SLC9A9: variants seen among roughly 807,000 people sequenced by gnomAD.
SLC9A9 encodes sodium/hydrogen exchanger 9.
In SLC9A9, 62 loss-of-function variants were observed where a neutral mutation model predicts 77.8. The ratio of observed to expected loss-of-function variants is 0.80; its 90% CI spans 0.65 to 0.98. SLC9A9 has a LOEUF of 0.98. Ranked by LOEUF, SLC9A9 falls within the 50% of genes least tolerant of loss-of-function variation. The pLI is 0.00. For missense variants in SLC9A9, 775 were observed against 774.9 expected (o/e 1.00, Z 0.00); for synonymous variants, 320 against 283.5 (o/e 1.13, Z -1.29).
At chr3:143,569,578 A>G (rs1054887780) in intron 8 of SLC9A9, among the ~76,000 whole-genome samples, 1 of 152,118 alleles carries the variant, frequency 6.6e-6, no homozygotes, top group East Asian at 1.9e-4. Flanking sequence ...GGTTTTCTAT[A>G]TATTTTTTCT....
At chr3:143,353,118 A>G (rs1487956053) in intron 14 of SLC9A9, among the ~76,000 whole-genome samples, 1 of 152,172 alleles carries the variant, frequency 6.6e-6, no homozygotes, top group African/African-American at 2.4e-5. Flanking sequence ...TCCTTGCCAC[A>G]AAGTCCTTCA....
intron 13 of SLC9A9, among the ~76,000 whole-genome samples, chr3:143,378,574 C>T (rs1212109727): frequency 1.3e-5 from 2 of 152,176 alleles, no homozygotes; most frequent in Non-Finnish European, 1.5e-5. Context: ...ATACTGGCAG[C>T]CTTTCTTGAG....
At chr3:143,316,675 C>A (rs2031225605) in intron 14 of SLC9A9, among the ~76,000 whole-genome samples, 2 of 152,172 alleles carry the variant, frequency 1.3e-5, no homozygotes, top group African/African-American at 4.8e-5. Context: ...TGGATAAACT[C>A]TGACCTTCTG....
In SLC9A9 at chr3:143,821,520, T is replaced by C. The variant is rs1425262315; in HGVS notation, c.378+10499A>G. Among the ~76,000 whole-genome samples the C allele has an allele frequency of 1.3e-5, 2 of 152,126 alleles. 1 individual carries two copies. Among genetic ancestry groups the C allele is most frequent in the Non-Finnish European group, 2.9e-5 (2 of 68,022 alleles). ...CTCTAACAGTAAAATTTCAAGACAA[T>C]TGTCAAGTAGGAAAGGACTTTTTGG... is the stretch of plus-strand genomic sequence containing the variant. On this transcript the variant is annotated intron_variant, in intron 2 of 15. Transcript: ENST00000316549.
intron 4 of SLC9A9, among the ~76,000 whole-genome samples, chr3:143,710,409 T>G (rs967787704): frequency 6.6e-6 from 1 of 152,172 alleles, no homozygotes; most frequent in Non-Finnish European, 1.5e-5. Context: ...TTGAGACCCA[T>G]TATTCTCCTT....
At chr3:143,777,023 A>G (rs1461624906) in intron 4 of SLC9A9, among the ~76,000 whole-genome samples, 1 of 152,136 alleles carries the variant, frequency 6.6e-6, no homozygotes. Flanking sequence ...ATCTGACGAA[A>G]GATATGTTAA....
intron 14 of SLC9A9, among the ~76,000 whole-genome samples, chr3:143,320,354 C>G (rs914080023): frequency 8.5e-5 from 13 of 152,208 alleles, no homozygotes; most frequent in Admixed American, 1.3e-4. Flanking sequence ...ATATCCAAAG[C>G]ATTGTGGGTT....
At chr3:143,818,809 CG>C (rs1276918342) in intron 2 of SLC9A9, among the ~76,000 whole-genome samples, 21 of 152,048 alleles carry the variant, frequency 1.4e-4, no homozygotes, top group Admixed American at 1.2e-3. Flanking sequence ...CGGCCAGGCG[CG>C]GTGGCTCATG....
chr3:143,783,206 A>G (rs1282493666), intron 4 of SLC9A9, among the ~76,000 whole-genome samples: 1 of 152,082 alleles, frequency 6.6e-6, no homozygotes, highest in African/African-American at 2.4e-5. Flanking sequence ...TGAAAGTCCA[A>G]ACTGCAGAAC....
intron 11 of SLC9A9, among the ~76,000 whole-genome samples, chr3:143,490,256 T>G (rs530625903): frequency 6.6e-6 from 1 of 152,172 alleles, no homozygotes; most frequent in Admixed American, 6.5e-5. Flanking sequence ...ATAGCTAACA[T>G]GTGAAAGGAA....
intron 6 of SLC9A9, among the ~76,000 whole-genome samples, chr3:143,616,610 C>T (rs1296918826): frequency 1.3e-5 from 2 of 152,092 alleles, no homozygotes; most frequent in Non-Finnish European, 2.9e-5. Context: ...GATCATGATG[C>T]CGAGCTGACT....
intron 14 of SLC9A9, among the ~76,000 whole-genome samples, chr3:143,274,206 G>A (rs1012971732): frequency 4.6e-5 from 7 of 152,214 alleles, no homozygotes; most frequent in African/African-American, 1.7e-4. Context: ...AGGGTAAAAT[G>A]CTTGTCAGCA....
intron 5 of SLC9A9, among the ~76,000 whole-genome samples, chr3:143,654,804 C>A (rs1339853296): frequency 6.6e-6 from 1 of 152,136 alleles, no homozygotes; most frequent in East Asian, 1.9e-4. Flanking sequence ...AGGCCCTTAC[C>A]CCACCTCCCC....
chr3:143,462,785 G>C (rs1273527770), intron 12 of SLC9A9, among the ~76,000 whole-genome samples: 1 of 152,136 alleles, frequency 6.6e-6, no homozygotes, highest in Non-Finnish European at 1.5e-5. Context: ...TTTCTTCAAA[G>C]GATTTGTTAA....
intron 4 of SLC9A9, among the ~76,000 whole-genome samples, chr3:143,717,764 C>T (rs971291660): frequency 5.9e-5 from 9 of 152,118 alleles, no homozygotes; most frequent in African/African-American, 2.2e-4. Flanking sequence ...GTTTTTTCTT[C>T]CAGTAAAGTC....
intron 9 of SLC9A9, among the ~76,000 whole-genome samples, chr3:143,526,828 T>C (rs1324508060): frequency 6.6e-6 from 1 of 152,194 alleles, no homozygotes; most frequent in Non-Finnish European, 1.5e-5. Flanking sequence ...ATCCTGAAGT[T>C]AGCAAGCATA....
Position 143,266,713 on chromosome 3 carries a change from G to A in SLC9A9, c.1927C>T (p.Gln643Ter), listed in dbSNP as rs1303501342. 6.2e-7 allele frequency: 1 copy of A among 1,613,976 alleles called. No individual in the cohort carries two copies. Among genetic ancestry groups the A allele is most frequent in the African/African-American group, 1.3e-5 (1 of 74,900 alleles). ...ACTCTTCATGCCAATTAATTCAACTGGGATTGACCCAAAGTTTGCTCAAGC... is the reference window on the plus strand; with the variant it reads ...ACTCTTCATGCCAATTAATTCAACTAGGATTGACCCAAAGTTTGCTCAAGC... ...LKLEQTLGQS[Q>*]LN Residue 643 changes from glutamine to a stop codon, truncating the protein, a stop_gained, in exon 16 of 16, where the codon CAG becomes TAG. Coordinates refer to ENST00000316549, the MANE Select transcript of SLC9A9 (RefSeq NM_173653.4). LOFTEE classifies it high-confidence loss of function.
Position 143,342,654 on chromosome 3 carries a change from G to A in SLC9A9, c.1604+20830C>T, listed in dbSNP as rs527701282. 2.6e-5 allele frequency among the ~76,000 whole-genome samples: 4 copies of A among 152,264 alleles called. No homozygotes were observed. The East Asian group carries it at 7.7e-4, about 29-fold the overall frequency. On this transcript the variant is annotated intron_variant, in intron 14 of 15. Coordinates refer to ENST00000316549, the MANE Select transcript of SLC9A9 (RefSeq NM_173653.4). ...GCCAGATTTGTCAAGATTAACTTAA[G>A]GTTTTAAAATTAGGCAATGCTTGTA... is the stretch of plus-strand genomic sequence containing the variant.
intron 12 of SLC9A9, among the ~76,000 whole-genome samples, chr3:143,417,285 C>T (rs1007927665): frequency 1.3e-5 from 2 of 152,032 alleles, no homozygotes; most frequent in Non-Finnish European, 2.9e-5. Context: ...CTTTGAAATG[C>T]CCCTACTATG....
Sources: gnomAD v4.1 joint callset for allele counts (sites outside exome capture counted in the v4.1 genomes callset) on GRCh38, gnomAD v4.1.1 for gene constraint, MANE v1.5 for transcripts, NCBI Gene and HGNC (gene_info 2026-07-23, HGNC 2026-07-21) for gene names.